WNK1: variants seen among roughly 807,000 people sequenced by gnomAD.
WNK1 encodes WNK lysine deficient protein kinase 1, also known as serine/threonine-protein kinase WNK1.
In WNK1, 38 loss-of-function variants were observed where a neutral mutation model predicts 222.8. That is an observed-to-expected ratio of 0.17 (90% confidence interval 0.13 to 0.22). WNK1 has a LOEUF of 0.22. Among genes scored for constraint, WNK1 ranks in the 10% least tolerant of loss-of-function variants. The pLI, the probability that WNK1 is intolerant of heterozygous loss-of-function variation, is 1.00. For synonymous variants in WNK1, 1,090 were observed against 1,092.9 expected, an observed-to-expected ratio of 1.00 and a Z score of 0.05; for missense variants, 2,348 against 2,918.4, an observed-to-expected ratio of 0.80 and a Z score of 4.50.
intron 26 of WNK1, chr12:904,386 A>C: frequency 8.1e-7 from 1 of 1,234,468 alleles, no homozygotes; most frequent in Non-Finnish European, 1.1e-6. Flanking sequence ...TGCTGTTTGG[A>C]GATTCTAAAT....
chr12:833,179 T>TCG (rs1392474153), intron 4 of WNK1, among the ~76,000 whole-genome samples: 2 of 152,228 alleles, frequency 1.3e-5, no homozygotes, highest in Non-Finnish European at 2.9e-5. Flanking sequence ...GAATACCTCT[T>TCG]AGATGCAAGC....
chr12:868,829 G>A (rs150113638), intron 8 of WNK1: 1 of 1,613,922 alleles, frequency 6.2e-7, no homozygotes. Context: ...CGTTTCTGTG[G>A]TAGAGCCTAT....
chr12:853,412 T>G (rs1950545123), intron 4 of WNK1, among the ~76,000 whole-genome samples: 1 of 152,224 alleles, frequency 6.6e-6, no homozygotes, highest in South Asian at 2.1e-4. Context: ...GAAAAGATTT[T>G]CCTTCCTTTA....
intron 5 of WNK1, among the ~76,000 whole-genome samples, chr12:857,624 T>A (rs1174781923): frequency 3.9e-5 from 6 of 152,256 alleles, no homozygotes; most frequent in Non-Finnish European, 7.3e-5. Context: ...AAACTTTGGC[T>A]CTTTAAAGTC....
At chr12:854,407 G>A (rs1023867461) in intron 4 of WNK1, among the ~76,000 whole-genome samples, 2 of 141,540 alleles carry the variant, frequency 1.4e-5, no homozygotes, top group Non-Finnish European at 3.0e-5. Context: ...ACCCAGGCTG[G>A]AGTGCAGTGG....
chr12:864,110 G>GTTTTTTTTTTTTTTTTTTTTTTTTTTTT (rs372936466), intron 8 of WNK1, among the ~76,000 whole-genome samples: 22 of 124,570 alleles, frequency 1.8e-4, no homozygotes, highest in African/African-American at 6.3e-4. Flanking sequence ...ATTTTTTTAA[G>GTTTTTTTTTTTTTTTTTTTTTTTTTTTT]TTTTTTTTTT....
intron 7 of WNK1, 148 bp from the exon 8 acceptor site, chr12:861,935 A>G: frequency 2.3e-6 from 2 of 887,020 alleles, no homozygotes; most frequent in Non-Finnish European, 3.6e-6. Flanking sequence ...GAATATGGCT[A>G]CAATTCATTT....
rs1003404300 is a variant in WNK1, at chr12:879,760, C to G, written c.2561C>G (p.Ala854Gly). Residue 854 changes from alanine (A) to glycine (G), a missense_variant, in exon 11 of 28, where the codon GCT becomes GGT. By Grantham distance (60) the Ala-to-Gly change is moderately conservative (BLOSUM62 0). Transcript: ENST00000315939. ...ATATCAACTCCTCATGTGTCTACGG[C>G]TCAGACAGGTTTCTCATCCCTTCCC... ...IPISTPHVST[A>G]QTGFSSLPIT... 33 of 1,613,956 alleles carry G rather than the reference C, an allele frequency of 2.0e-5. No homozygotes were observed. The highest frequency in any genetic ancestry group is 2.3e-5 in the Non-Finnish European group (27 of 1,180,022).
intron 1 of WNK1, among the ~76,000 whole-genome samples, chr12:771,545 C>G (rs1396454605): frequency 2.0e-5 from 3 of 152,128 alleles, no homozygotes; most frequent in Non-Finnish European, 4.4e-5. Flanking sequence ...AGCGATTCTC[C>G]TGACCCAGCC....
chr12:888,590 A>T (rs985751385), intron 20 of WNK1, among the ~76,000 whole-genome samples: 2 of 152,198 alleles, frequency 1.3e-5, no homozygotes, highest in Non-Finnish European at 2.9e-5. Context: ...CTTGCGGTGG[A>T]TGGAATGGTT....
intron 22 of WNK1, among the ~76,000 whole-genome samples, chr12:893,868 A>G (rs1324966813): frequency 1.8e-5 from 2 of 113,228 alleles, no homozygotes; most frequent in Admixed American, 9.9e-5. Context: ...GTACTATCCT[A>G]TTCTAGAATT....
At chr12:829,935 T>C (rs1948667745) in intron 3 of WNK1, 68 bp from the exon 4 acceptor site, 1 of 1,567,488 alleles carries the variant, frequency 6.4e-7, no homozygotes, top group African/African-American at 1.4e-5. Context: ...CCCCTCTGCT[T>C]CTCACCCCGG....
intron 4 of WNK1, among the ~76,000 whole-genome samples, chr12:854,372 T>TTTTG (rs1950623016): frequency 6.8e-6 from 1 of 146,574 alleles, no homozygotes; most frequent in Admixed American, 6.8e-5. Context: ...TTTTTGTTTT[T>TTTTG]TTTGAGACAG....
chr12:907,606 C>G, intron 26 of WNK1: 2 of 564,284 alleles, frequency 3.5e-6, no homozygotes, highest in Non-Finnish European at 6.4e-6. Flanking sequence ...GCCTGTGTAC[C>G]TACCGTCATC....
chr12:820,343 C>T (rs1195049729), intron 2 of WNK1, among the ~76,000 whole-genome samples: 1 of 151,592 alleles, frequency 6.6e-6, no homozygotes, highest in African/African-American at 2.4e-5. Flanking sequence ...TCTTAATTTC[C>T]TTTTCAGATT....
intron 1 of WNK1, among the ~76,000 whole-genome samples, chr12:761,537 A>G (rs530509286): frequency 1.3e-5 from 2 of 148,182 alleles, no homozygotes; most frequent in Non-Finnish European, 3.0e-5. Context: ...CTCAGAGACA[A>G]TATTATTTTT....
Position 754,161 on chromosome 12 carries a change from A to G in WNK1, c.596A>G (p.Gln199Arg). The stretch of plus-strand genomic sequence containing the variant: ...AAGGAGCCACAGGAGGAACGGAGCC[A>G]GCAGCAGGATGATATCGAAGAGCTG... ...SAKEPQEERS[Q>R]QQDDIEELET... The change falls in exon 1 of 28, where the codon CAG (glutamine) becomes CGG (arginine). Residue 199 changes from glutamine to arginine, a missense_variant. By Grantham distance (43) the Gln-to-Arg change is conservative (BLOSUM62 1). Coordinates refer to ENST00000315939, the MANE Select transcript of WNK1 (RefSeq NM_018979.4). 6.2e-7 allele frequency: 1 copy of G among 1,613,250 alleles called. No individual in the cohort carries two copies. The highest frequency in any genetic ancestry group is 8.5e-7 in the Non-Finnish European group (1 of 1,180,044).
intron 2 of WNK1, among the ~76,000 whole-genome samples, chr12:824,743 A>G (rs1486511369): frequency 6.6e-6 from 1 of 152,136 alleles, no homozygotes; most frequent in Non-Finnish European, 1.5e-5. Context: ...GATGTTTATA[A>G]GGAGGACTAA....
intron 24 of WNK1, among the ~76,000 whole-genome samples, chr12:897,020 TC>T (rs1954808739): frequency 6.6e-6 from 1 of 151,806 alleles, no homozygotes; most frequent in African/African-American, 2.4e-5. Context: ...TTCTAGAACT[TC>T]TTCATTGTTA....
Sources: gnomAD v4.1 joint callset for allele counts (sites outside exome capture counted in the v4.1 genomes callset) on GRCh38, gnomAD v4.1.1 for gene constraint, MANE v1.5 for transcripts, NCBI Gene and HGNC (gene_info 2026-07-23, HGNC 2026-07-21) for gene names.